Variants in PCCA observed in about 807,000 individuals in gnomAD.
PCCA encodes the protein propionyl-CoA carboxylase alpha chain, mitochondrial.
In PCCA, 74 loss-of-function variants were observed where a neutral mutation model predicts 101.3. The observed-to-expected ratio is 0.73, with a 90% CI of 0.61 to 0.89. The LOEUF is 0.89. Among genes scored for constraint, PCCA ranks in the 40% least tolerant of loss-of-function variants. The pLI, the probability that PCCA is intolerant of heterozygous loss-of-function variation, is 0.00. For synonymous variants in PCCA, 294 were observed against 313.6 expected, an observed-to-expected ratio of 0.94 and a Z score of 0.66; for missense variants, 891 against 907.0, an observed-to-expected ratio of 0.98 and a Z score of 0.23.
At chr13:100,126,246 G>T in intron 4 of PCCA, among the ~76,000 whole-genome samples, 1 of 151,796 alleles carries the variant, frequency 6.6e-6, no homozygotes, top group East Asian at 1.9e-4. Context: ...ATAGAAAATT[G>T]TGTCAACTGT....
In PCCA at chr13:100,102,907, T is replaced by C. The variant is rs905391740; in HGVS notation, c.130T>C (p.Cys44Arg). The C allele has an allele frequency of 3.7e-6, 6 of 1,612,108 alleles. No individual in the cohort carries two copies. In the African/African-American group the frequency reaches 8.0e-5, roughly 22 times the overall value. ...GCATGTTCTGTACTATTCAAGACAG[T>C]GCTTAATGGTGTCCCGTAATCTTGG... The part of the protein sequence containing the change: ...LKHVLYYSRQ[C>R]LMVSRNLGSV... The change falls in exon 2 of 24, where the codon TGC (cysteine) becomes CGC (arginine). Residue 44 changes from cysteine (C) to arginine (R), a missense_variant. Transcript: ENST00000376285.
intron 18 of PCCA, among the ~76,000 whole-genome samples, chr13:100,364,270 C>G (rs1221274768): frequency 6.6e-6 from 1 of 152,110 alleles, no homozygotes; most frequent in Admixed American, 6.6e-5. Context: ...TCCTTATTGT[C>G]AGAGAGTTGT....
intron 12 of PCCA, among the ~76,000 whole-genome samples, chr13:100,275,667 T>A (rs1046813052): frequency 2.6e-5 from 4 of 152,204 alleles, no homozygotes; most frequent in African/African-American, 9.6e-5. Flanking sequence ...TTGTCCAATC[T>A]CTGGCCTTTT....
At chr13:100,297,990 T>G (rs949195352) in intron 12 of PCCA, among the ~76,000 whole-genome samples, 12 of 151,612 alleles carry the variant, frequency 7.9e-5, no homozygotes, top group Non-Finnish European at 1.5e-4. Flanking sequence ...TTTTTTTTTT[T>G]GGGTTCGGGC....
intron 21 of PCCA, among the ~76,000 whole-genome samples, chr13:100,503,664 G>A (rs1420499895): frequency 6.6e-6 from 1 of 152,188 alleles, no homozygotes; most frequent in East Asian, 1.9e-4. Context: ...AACACTTTGG[G>A]AGGCTGAGGG....
chr13:100,463,528 G>C (rs890305363), intron 21 of PCCA, among the ~76,000 whole-genome samples: 1 of 152,082 alleles, frequency 6.6e-6, no homozygotes, highest in Non-Finnish European at 1.5e-5. Flanking sequence ...GAGAAGAATT[G>C]TACCAGAGAA....
chr13:100,422,135 C>CTTTTTT (rs1232975466), intron 19 of PCCA, among the ~76,000 whole-genome samples: 1 of 68,782 alleles, frequency 1.5e-5, no homozygotes, highest in African/African-American at 6.3e-5. Flanking sequence ...TTCTTTCTTT[C>CTTTTTT]TTTTTTTTTT....
rs1222853251 is a variant in PCCA, at chr13:100,348,783, TCTTTCTTC to T, written c.1643+8528_1643+8535del. 6.6e-3 allele frequency among the ~76,000 whole-genome samples: 363 copies of T among 55,286 alleles called. 1 individual carries two copies. The highest frequency in any genetic ancestry group is 9.2e-3 in the Non-Finnish European group (239 of 26,012). 36.3% of individuals were successfully genotyped at this position (55,286 alleles called of 152,430 possible). On this transcript the variant is annotated intron_variant, in intron 18 of 23. Coordinates refer to ENST00000376285, the MANE Select transcript of PCCA (RefSeq NM_000282.4). ...TTCTTTCTTTCTTTCTTTCTTTCTTTCTTTCTTCCTTCCTTCCTTCCTTCCTTCCTTCC... is the reference window on the plus strand; with the variant it reads ...TTCTTTCTTTCTTTCTTTCTTTCTTTCTTCCTTCCTTCCTTCCTTCCTTCC...
chr13:100,307,799 C>A (rs1235172742), intron 15 of PCCA, among the ~76,000 whole-genome samples: 1 of 152,016 alleles, frequency 6.6e-6, no homozygotes, highest in Non-Finnish European at 1.5e-5. Flanking sequence ...ATCTTTAAAC[C>A]CTTAAAACCG....
intron 18 of PCCA, among the ~76,000 whole-genome samples, chr13:100,356,718 T>C (rs2073996350): frequency 6.6e-6 from 1 of 152,182 alleles, no homozygotes; most frequent in Non-Finnish European, 1.5e-5. Context: ...TCCTGGTATA[T>C]ACCCAAGGGA....
chr13:100,217,012 GGCC>G, intron 7 of PCCA, among the ~76,000 whole-genome samples: 1 of 152,146 alleles, frequency 6.6e-6, no homozygotes, highest in East Asian at 1.9e-4. Context: ...GGGAGGCTGA[GGCC>G]TGAGAATCCC....
chr13:100,262,957 G>A (rs548496917), intron 10 of PCCA, 126 bp downstream of exon 10: 7 of 607,210 alleles, frequency 1.2e-5, no homozygotes, highest in South Asian at 8.1e-5. Flanking sequence ...TGTACTTTCC[G>A]TTAAAGTGCT....
intron 4 of PCCA, among the ~76,000 whole-genome samples, chr13:100,142,598 C>A (rs938266086): frequency 6.6e-6 from 1 of 151,866 alleles, no homozygotes; most frequent in Non-Finnish European, 1.5e-5. Flanking sequence ...CTCAGCCTCC[C>A]GAGTAGTTAG....
intron 6 of PCCA, among the ~76,000 whole-genome samples, chr13:100,206,239 T>C (rs187465456): frequency 1.8e-3 from 273 of 152,272 alleles, no homozygotes; most frequent in Non-Finnish European, 3.3e-3. Flanking sequence ...TTTAGAGTCC[T>C]GTGGACCTAG....
chr13:100,422,805 A>C (rs568367088), intron 19 of PCCA, among the ~76,000 whole-genome samples: 77 of 148,216 alleles, frequency 5.2e-4, no homozygotes, highest in Admixed American at 2.0e-3. Context: ...CTTGACTTTC[A>C]TTTCCTTCTG....
chr13:100,528,099 A>G lies in PCCA; in HGVS notation c.2118+347A>G, dbSNP rs75267141. Among the ~76,000 whole-genome samples, 34 of 152,332 alleles carry G rather than the reference A, an allele frequency of 2.2e-4. 1 individual carries two copies. The East Asian group carries it at 6.6e-3, about 29-fold the overall frequency. ...TGAGACTTAGGTGACACAGCAGCAA[A>G]TGGTTTTACAAATTGCAAAAATTAA... On this transcript the variant is annotated intron_variant, in intron 23 of 23. Coordinates refer to ENST00000376285, the MANE Select transcript of PCCA (RefSeq NM_000282.4).
chr13:100,335,649 G>C (rs948662347), intron 17 of PCCA, among the ~76,000 whole-genome samples: 1 of 152,142 alleles, frequency 6.6e-6, no homozygotes, highest in Non-Finnish European at 1.5e-5. Flanking sequence ...CTCTGCAGAG[G>C]ATAAAAACCA....
At chr13:100,471,412 GAC>G (rs1389495404) in intron 21 of PCCA, among the ~76,000 whole-genome samples, 6 of 152,190 alleles carry the variant, frequency 3.9e-5, no homozygotes, top group African/African-American at 1.4e-4. Flanking sequence ...ACCAAAATGA[GAC>G]ACACAGATGT....
rs924164013 is a variant in PCCA, at chr13:100,449,511, G to C, written c.1899+206G>C. Among the ~76,000 whole-genome samples the C allele has an allele frequency of 2.6e-5, 4 of 152,086 alleles. No homozygotes were observed. The East Asian group carries it at 5.8e-4, about 22-fold the overall frequency. On this transcript the variant is annotated intron_variant, in intron 21 of 23. Transcript: ENST00000376285. Reference sequence around the variant, plus strand: ...TGGAATTATTATCTTTTTTGAGACAGAGTCTCACTGTGTTGCCCATGCTGG... The same window carrying C: ...TGGAATTATTATCTTTTTTGAGACACAGTCTCACTGTGTTGCCCATGCTGG...
Sources: allele counts gnomAD v4.1 joint callset (sites outside exome capture counted in the v4.1 genomes callset), GRCh38; gene constraint gnomAD v4.1.1; transcripts MANE v1.5; gene names NCBI Gene and HGNC (gene_info 2026-07-23, HGNC 2026-07-21).